RBFOX1: variants seen among roughly 807,000 people sequenced by gnomAD.
RBFOX1 encodes RNA binding protein fox-1 homolog 1.
A neutral mutation model predicts 57.7 loss-of-function variants in RBFOX1; 8 were observed. That is an observed-to-expected ratio of 0.14 (90% CI 0.08 to 0.25). The LOEUF is 0.25. Among genes scored for constraint, RBFOX1 ranks in the 10% least tolerant of loss-of-function variants. The pLI, the probability that RBFOX1 is intolerant of heterozygous loss-of-function variation, is 1.00. For synonymous variants in RBFOX1, 326 were observed against 222.4 expected (o/e 1.47, Z -4.15); for missense variants, 611 against 548.5 (o/e 1.11, Z -1.14).
At chr16:7,668,661 AACACACAC>A (rs34133804) in intron 13 of RBFOX1, among the ~76,000 whole-genome samples, 3 of 150,238 alleles carry the variant, frequency 2.0e-5, no homozygotes, top group South Asian at 2.1e-4. Flanking sequence ...AACAGAACAG[AACACACAC>A]ACACACACAC....
At chr16:6,835,521 G>T (rs923838216) in intron 3 of RBFOX1, among the ~76,000 whole-genome samples, 1 of 151,954 alleles carries the variant, frequency 6.6e-6, no homozygotes, top group Non-Finnish European at 1.5e-5. Flanking sequence ...GGAGTCCAAG[G>T]TGGGAAGATC....
In RBFOX1 at chr16:6,613,013, G is replaced by A. The variant is rs910730216; in HGVS notation, c.-63-41590G>A. On this transcript the variant is annotated intron_variant, in intron 2 of 15. Coordinates refer to ENST00000550418, the MANE Select transcript of RBFOX1 (RefSeq NM_018723.4). ...GGTGCCAGTCCCAGCATGTGTGTGT[G>A]TGTGTGTGTGTGTGTGTGTGTGTGT... Among the ~76,000 whole-genome samples, 12 of 112,644 alleles carry A rather than the reference G, an allele frequency of 1.1e-4. No individual in the cohort carries two copies. In the East Asian group the frequency reaches 0.011, roughly 107 times the overall value. The allele number at this position is 112,644 out of a possible 152,430, so 73.9% of individuals were successfully genotyped here. A position where few individuals can be genotyped will look rare whatever the true frequency, so the allele number is the denominator to read the frequency against.
At chr16:6,894,345 C>T (rs187978402) in intron 3 of RBFOX1, among the ~76,000 whole-genome samples, 1 of 152,068 alleles carries the variant, frequency 6.6e-6, no homozygotes, top group African/African-American at 2.4e-5. Context: ...TTCTGTGTGA[C>T]TTTGACAGTC....
intron 4 of RBFOX1, among the ~76,000 whole-genome samples, chr16:7,190,255 A>C (rs1005123897): frequency 1.3e-5 from 2 of 152,164 alleles, no homozygotes; most frequent in African/African-American, 4.8e-5. Context: ...GCGACTCGGG[A>C]GGCTGAGGCA....
intron 1 of RBFOX1, among the ~76,000 whole-genome samples, chr16:6,045,282 G>A (rs191800016): frequency 3.2e-4 from 48 of 152,296 alleles, no homozygotes; most frequent in African/African-American, 1.1e-3. Context: ...TAGAACATTT[G>A]GGTGGGTACA....
intron 4 of RBFOX1, among the ~76,000 whole-genome samples, chr16:5,895,734 G>C (rs1333313343): frequency 6.6e-6 from 1 of 152,158 alleles, no homozygotes; most frequent in Non-Finnish European, 1.5e-5. Context: ...CAGGGGTTTT[G>C]GGAGGATTAA....
At chr16:5,732,838 C>G (rs13335025) in intron 3 of RBFOX1, among the ~76,000 whole-genome samples, 1 of 151,948 alleles carries the variant, frequency 6.6e-6, no homozygotes, top group Non-Finnish European at 1.5e-5. Context: ...AGTCTTCAAC[C>G]GTGTCTTCAT....
At chr16:6,316,904 G>T (rs1328427747) in intron 1 of RBFOX1, 91 bp from the exon 2 acceptor site, 1 of 935,718 alleles carries the variant, frequency 1.1e-6, no homozygotes. Flanking sequence ...TATTTTGAAG[G>T]TTGGTCCATA....
intron 3 of RBFOX1, among the ~76,000 whole-genome samples, chr16:7,010,545 T>G (rs535925998): frequency 1.3e-5 from 2 of 151,698 alleles, no homozygotes; most frequent in South Asian, 2.1e-4. Flanking sequence ...CCCTTTTTTT[T>G]TTGTTTGTTT....
chr16:7,215,419 A>G (rs776805291), intron 4 of RBFOX1, among the ~76,000 whole-genome samples: 21 of 152,222 alleles, frequency 1.4e-4, no homozygotes, highest in Non-Finnish European at 2.8e-4. Context: ...GAACCAACCC[A>G]AATGTCCATC....
intron 3 of RBFOX1, among the ~76,000 whole-genome samples, chr16:5,617,466 C>T (rs924570844): frequency 6.6e-6 from 1 of 152,208 alleles, no homozygotes; most frequent in South Asian, 2.1e-4. Flanking sequence ...GCCTGGGACT[C>T]TGTGTTCTCC....
intron 1 of RBFOX1, among the ~76,000 whole-genome samples, chr16:6,312,770 G>C (rs151217701): frequency 7.0e-5 from 10 of 143,498 alleles, no homozygotes; most frequent in African/African-American, 2.3e-4. Context: ...GTCCCTCCCT[G>C]TTTCCCTACC....
At chr16:6,663,783 A>T (rs2098715566) in intron 3 of RBFOX1, among the ~76,000 whole-genome samples, 1 of 152,194 alleles carries the variant, frequency 6.6e-6, no homozygotes, top group African/African-American at 2.4e-5. Context: ...GAGAAAGGGT[A>T]TTTAAGTTTG....
At chr16:6,993,256 C>T (rs888381049) in intron 3 of RBFOX1, among the ~76,000 whole-genome samples, 1 of 152,186 alleles carries the variant, frequency 6.6e-6, no homozygotes, top group African/African-American at 2.4e-5. Flanking sequence ...CTGCACACAC[C>T]TTCCTGGGAG....
intron 4 of RBFOX1, among the ~76,000 whole-genome samples, chr16:7,443,369 A>T (rs2098784151): frequency 6.7e-6 from 1 of 150,266 alleles, no homozygotes; most frequent in Non-Finnish European, 1.5e-5. Context: ...TGTCTCACAC[A>T]CTCTCTTTCA....
chr16:6,885,965 A>T (rs11077102), intron 3 of RBFOX1, among the ~76,000 whole-genome samples: 87,889 of 152,134 alleles, frequency 0.58, 25,946 homozygotes, highest in East Asian at 0.85. Flanking sequence ...GTTTGCTGTC[A>T]AGAATCACAA....
At chr16:5,689,013 A>G (rs1290010124) in intron 3 of RBFOX1, among the ~76,000 whole-genome samples, 2 of 152,188 alleles carry the variant, frequency 1.3e-5, no homozygotes, top group Non-Finnish European at 2.9e-5. Flanking sequence ...TAAAAAAAGA[A>G]ACAAAATCAA....
At chr16:5,931,750 C>T (rs552347252) in intron 4 of RBFOX1, among the ~76,000 whole-genome samples, 9 of 152,208 alleles carry the variant, frequency 5.9e-5, no homozygotes, top group South Asian at 2.1e-4. Context: ...ATTCCCTACC[C>T]GTCTCATGCA....
intron 3 of RBFOX1, among the ~76,000 whole-genome samples, chr16:5,841,716 C>T (rs938849626): frequency 1.1e-4 from 16 of 152,194 alleles, no homozygotes; most frequent in Non-Finnish European, 1.0e-4. Flanking sequence ...CTTCCATGGC[C>T]TGTAGAGGCC....
Sources: allele counts gnomAD v4.1 joint callset (sites outside exome capture counted in the v4.1 genomes callset), GRCh38; gene constraint gnomAD v4.1.1; transcripts MANE v1.5; gene names NCBI Gene and HGNC (gene_info 2026-07-23, HGNC 2026-07-21).